BTRC: variants seen among roughly 807,000 people sequenced by gnomAD.
BTRC encodes F-box/WD repeat-containing protein 1A.
BTRC carries 42 observed loss-of-function variants against 85.5 expected under a neutral mutation model. That is an observed-to-expected ratio of 0.49 (90% CI 0.38 to 0.64). The LOEUF (loss-of-function observed/expected upper bound fraction) is 0.64. Ranked by LOEUF, BTRC falls within the 30% of genes least tolerant of loss-of-function variation. BTRC has a pLI of 0.00. For synonymous variants in BTRC, 255 were observed against 263.3 expected, an observed-to-expected ratio of 0.97 and a Z score of 0.30; for missense variants, 594 against 743.5, an observed-to-expected ratio of 0.80 and a Z score of 2.34.
At chr10:101,552,476 G>A (rs868657727) in intron 14 of BTRC, among the ~76,000 whole-genome samples, 18 of 151,532 alleles carry the variant, frequency 1.2e-4, no homozygotes, top group Middle Eastern at 3.4e-3. Flanking sequence ...TTACAGGTGT[G>A]AGCCACCGCA....
intron 6 of BTRC, among the ~76,000 whole-genome samples, chr10:101,530,652 A>G (rs981189017): frequency 6.6e-6 from 1 of 152,184 alleles, no homozygotes; most frequent in African/African-American, 2.4e-5. Flanking sequence ...GTTTACTGAT[A>G]TTATAATATT....
At chr10:101,422,559 A>C (rs1297569098) in intron 1 of BTRC, among the ~76,000 whole-genome samples, 1 of 152,262 alleles carries the variant, frequency 6.6e-6, no homozygotes, top group African/African-American at 2.4e-5. Flanking sequence ...TATGTCCTGA[A>C]TGGTATTGCC....
intron 1 of BTRC, among the ~76,000 whole-genome samples, chr10:101,425,413 A>G (rs981925245): frequency 4.6e-5 from 7 of 152,128 alleles, no homozygotes; most frequent in African/African-American, 1.7e-4. Context: ...AAGGAGAGTC[A>G]ATTGGGGTGA....
chr10:101,377,426 A>G, intron 1 of BTRC, among the ~76,000 whole-genome samples: 1 of 152,224 alleles, frequency 6.6e-6, no homozygotes, highest in East Asian at 1.9e-4. Context: ...ATTGCGTGAT[A>G]AATGTAGGTT....
intron 4 of BTRC, among the ~76,000 whole-genome samples, chr10:101,500,266 C>T (rs1461535758): frequency 6.6e-6 from 1 of 152,100 alleles, no homozygotes; most frequent in Non-Finnish European, 1.5e-5. Flanking sequence ...TACACCATGT[C>T]AGCATACTGA....
chr10:101,412,949 A>T (rs2134027938), intron 1 of BTRC, among the ~76,000 whole-genome samples: 1 of 152,348 alleles, frequency 6.6e-6, no homozygotes, highest in East Asian at 1.9e-4. Context: ...AGTAACAAAA[A>T]ATGATAACCC....
chr10:101,367,006 TTA>T (rs376110145), intron 1 of BTRC, among the ~76,000 whole-genome samples: 26 of 40,128 alleles, frequency 6.5e-4, no homozygotes, highest in African/African-American at 1.0e-3. Flanking sequence ...ATATATATAT[TTA>T]TATATATATT....
intron 13 of BTRC, among the ~76,000 whole-genome samples, chr10:101,540,689 G>A (rs2062453040): frequency 6.6e-6 from 1 of 152,100 alleles, no homozygotes; most frequent in Non-Finnish European, 1.5e-5. Flanking sequence ...TAGGTATGGG[G>A]TCTCAGTGTG....
intron 1 of BTRC, among the ~76,000 whole-genome samples, chr10:101,428,139 T>G (rs1036769598): frequency 2.0e-5 from 3 of 152,124 alleles, no homozygotes; most frequent in Admixed American, 1.3e-4. Context: ...ATGGTCGATA[T>G]GGATTGGCAG....
At chr10:101,489,507 A>C (rs1946075235) in intron 4 of BTRC, among the ~76,000 whole-genome samples, 1 of 152,158 alleles carries the variant, frequency 6.6e-6, no homozygotes, top group South Asian at 2.1e-4. Flanking sequence ...TCCATGAATA[A>C]ATATGTTCTT....
chr10:101,540,515 C>T (rs1424215647), intron 13 of BTRC, among the ~76,000 whole-genome samples: 1 of 152,150 alleles, frequency 6.6e-6, no homozygotes, highest in Non-Finnish European at 1.5e-5. Context: ...TTGATTACTG[C>T]AGCTTTTTAC....
chr10:101,366,948 T>A (rs868104954), intron 1 of BTRC, among the ~76,000 whole-genome samples: 16 of 25,422 alleles, frequency 6.3e-4, no homozygotes, highest in East Asian at 1.6e-3. Flanking sequence ...TTATATATAT[T>A]TATATATATA....
chr10:101,354,271 G>T lies in BTRC; in HGVS notation c.48+43G>T, dbSNP rs771488219. 66 of 1,546,032 alleles carry T rather than the reference G, an allele frequency of 4.3e-5. 1 individual carries two copies. The Admixed American group carries it at 5.9e-4, about 14-fold the overall frequency. On this transcript the variant is annotated intron_variant, in intron 1 of 14. Coordinates refer to ENST00000370187, the MANE Select transcript of BTRC (RefSeq NM_033637.4). ...GCCGGGGAACGGTGGAGGCGCTGGC[G>T]TTGGCGGCGTCGCTGGCCTGGGCCG...
At position 101,544,722 on chromosome 10, in the gene BTRC, T is replaced by G. The variant is rs554404061; in HGVS notation, c.1657-5977T>G. On this transcript the variant is annotated intron_variant, in intron 13 of 14. Coordinates refer to ENST00000370187, the MANE Select transcript of BTRC (RefSeq NM_033637.4). ...CACTGCGCCTGGCTCTGAAAAAGTT[T>G]TCGTTTTGCCTTCATTTTTGAAAGA... Among the ~76,000 whole-genome samples the G allele has an allele frequency of 4.6e-5, 7 of 152,284 alleles. No homozygotes were observed. The East Asian group carries it at 1.3e-3, about 29-fold the overall frequency.
intron 1 of BTRC, among the ~76,000 whole-genome samples, chr10:101,385,511 A>T (rs1405522154): frequency 6.6e-6 from 1 of 151,138 alleles, no homozygotes; most frequent in Non-Finnish European, 1.5e-5. Context: ...ATGTCACTAA[A>T]TTTGCATGGA....
intron 14 of BTRC, among the ~76,000 whole-genome samples, chr10:101,552,571 A>G (rs2062668983): frequency 6.6e-6 from 1 of 151,914 alleles, no homozygotes; most frequent in Non-Finnish European, 1.5e-5. Context: ...ATCTCATCTC[A>G]TTGTAGAAGA....
In BTRC at chr10:101,533,011, CCT is replaced by C; in HGVS notation, c.1041_1042del (p.Cys348SerfsTer4). ...TTCTCACAGGCCATACAGGTTCAGT[CCT>C]CTGTCTCCAGTATGATGAGAGAGTG... is the stretch of plus-strand genomic sequence containing the variant. ...RILTGHTGSV[L>X]CLQYDERVII... On this transcript the variant is annotated frameshift_variant, in exon 9 of 15. Transcript: ENST00000370187. LOFTEE classifies it high-confidence loss of function. The C allele has an allele frequency of 3.1e-6, 5 of 1,613,624 alleles. No homozygotes were observed. The highest frequency in any genetic ancestry group is 4.2e-6 in the Non-Finnish European group (5 of 1,179,812).
chr10:101,457,302 A>G (rs936333508), intron 2 of BTRC, among the ~76,000 whole-genome samples: 16 of 152,264 alleles, frequency 1.1e-4, no homozygotes, highest in African/African-American at 3.6e-4. Context: ...ACAGCATGCT[A>G]CCTGCTTTAG....
intron 1 of BTRC, among the ~76,000 whole-genome samples, chr10:101,385,067 A>G (rs944921162): frequency 1.3e-5 from 2 of 152,064 alleles, no homozygotes; most frequent in Non-Finnish European, 2.9e-5. Context: ...CTACAAACAG[A>G]ACAAAACAGA....
Sources: gnomAD v4.1 joint callset for allele counts (sites outside exome capture counted in the v4.1 genomes callset) on GRCh38, gnomAD v4.1.1 for gene constraint, MANE v1.5 for transcripts, NCBI Gene and HGNC (gene_info 2026-07-23, HGNC 2026-07-21) for gene names.